The following FOXP1 variants were observed in gnomAD, a reference collection of about 807,000 sequenced individuals.
The protein encoded by FOXP1 is forkhead box protein P1.
FOXP1 carries 15 observed loss-of-function variants against 98.2 expected under a neutral mutation model. That is an observed-to-expected ratio of 0.15 (90% CI 0.10 to 0.24). The LOEUF is 0.24. Ranked by LOEUF, FOXP1 falls within the 10% of genes least tolerant of loss-of-function variation. FOXP1 has a pLI of 1.00. For missense variants in FOXP1, 633 were observed against 848.5 expected (o/e 0.75, Z 3.15); for synonymous variants, 371 against 314.5 (o/e 1.18, Z -1.90).
chr3:71,460,950 GCT>G (rs2088032764), intron 3 of FOXP1, among the ~76,000 whole-genome samples: 2 of 152,140 alleles, frequency 1.3e-5, no homozygotes. Flanking sequence ...GTCGGGAATA[GCT>G]CTGACAAGCT....
Position 71,272,013 on chromosome 3 carries a change from G to C in FOXP1, c.-12+27807C>G, listed in dbSNP as rs192602682. 8.5e-5 allele frequency among the ~76,000 whole-genome samples: 13 copies of C among 152,200 alleles called. No individual in the cohort carries two copies. The East Asian group carries it at 2.5e-3, about 29-fold the overall frequency. ...CAAAAAAGCTTAAGAGTCTCACTGG[G>C]GACATAATCAATTATAAAGCACCTA... On this transcript the variant is annotated intron_variant, in intron 5 of 20. Transcript: ENST00000649528.
chr3:71,353,174 G>A (rs934899794), intron 4 of FOXP1, among the ~76,000 whole-genome samples: 2 of 152,164 alleles, frequency 1.3e-5, no homozygotes, highest in Admixed American at 1.3e-4. Context: ...ATTGGACTCA[G>A]ACGATGCAGC....
At chr3:71,523,481 T>C (rs762553422) in intron 2 of FOXP1, among the ~76,000 whole-genome samples, 18 of 152,208 alleles carry the variant, frequency 1.2e-4, no homozygotes, top group Non-Finnish European at 1.6e-4. Flanking sequence ...ATTTCAGACT[T>C]AGATAAAGAA....
chr3:71,097,228 T>C (rs1487771044), intron 7 of FOXP1, among the ~76,000 whole-genome samples: 1 of 152,190 alleles, frequency 6.6e-6, no homozygotes, highest in Non-Finnish European at 1.5e-5. Context: ...TATTCTTAAA[T>C]AGCAGGGAAA....
At chr3:71,457,663 T>C (rs190411312) in intron 3 of FOXP1, among the ~76,000 whole-genome samples, 45 of 152,330 alleles carry the variant, frequency 3.0e-4, no homozygotes, top group Non-Finnish European at 5.1e-4. Context: ...TGTCTCACAC[T>C]GCAGCAACTG....
At chr3:71,048,144 AAAAAG>A (rs2049297730) in intron 9 of FOXP1, among the ~76,000 whole-genome samples, 1 of 152,182 alleles carries the variant, frequency 6.6e-6, no homozygotes, top group Non-Finnish European at 1.5e-5. Flanking sequence ...GTAGCAAAAA[AAAAAG>A]AAAAGTTTCT....
At position 71,332,764 on chromosome 3, in the gene FOXP1, A is replaced by C. The variant is rs948321647; in HGVS notation, c.-73+26386T>G. ...AAAAAGTAAAAAATAAAATCAAGTG[A>C]CCAGTGTCACTTTGAACACTGTAAT... On this transcript the variant is annotated intron_variant, in intron 4 of 20. Transcript: ENST00000649528. 3.3e-5 allele frequency: 5 copies of C among 152,382 alleles called. No homozygotes were observed. In the East Asian group the frequency reaches 7.7e-4, roughly 24 times the overall value. 9.4% of individuals were successfully genotyped at this position (152,382 alleles called of 1,614,324 possible). A position where few individuals can be genotyped will look rare whatever the true frequency, so the allele number is the denominator to read the frequency against.
intron 11 of FOXP1, among the ~76,000 whole-genome samples, chr3:71,031,215 T>C (rs2106661434): frequency 6.6e-6 from 1 of 152,266 alleles, no homozygotes; most frequent in East Asian, 1.9e-4. Flanking sequence ...TTCAAAGACA[T>C]ATCTCAAAGT....
chr3:71,583,914 CT>C (rs1271704624), upstream of FOXP1: 17 of 984,698 alleles, frequency 1.7e-5, no homozygotes, highest in African/African-American at 2.8e-4. Context: ...ACGCACCCCG[CT>C]GGGCACTCCA....
rs2055016467 is a variant in FOXP1 at position 71,085,773 on chromosome 3, A to C, written c.282+26763T>G. Among the ~76,000 whole-genome samples, 4 of 26,170 alleles carry C rather than the reference A, an allele frequency of 1.5e-4. No individual in the cohort carries two copies. In the Admixed American group the frequency reaches 2.6e-3, roughly 17 times the overall value. 17.2% of individuals were successfully genotyped at this position (26,170 alleles called of 152,430 possible). On this transcript the variant is annotated intron_variant, in intron 7 of 20. Coordinates refer to ENST00000649528, the MANE Select transcript of FOXP1 (RefSeq NM_001349338.3). ...TTACATGGAGTCTCACTGTGTTGCC[A>C]GACTGGAGTGCAGTGGTGTGATCTT...
At chr3:70,967,267 T>C (rs1293646835) in intron 19 of FOXP1, among the ~76,000 whole-genome samples, 3 of 152,220 alleles carry the variant, frequency 2.0e-5, no homozygotes, top group Non-Finnish European at 4.4e-5. Flanking sequence ...TGCAGAAATC[T>C]GTCTGGCTAG....
At chr3:71,563,550 G>C (rs1046862658) in intron 2 of FOXP1, among the ~76,000 whole-genome samples, 3 of 152,230 alleles carry the variant, frequency 2.0e-5, no homozygotes, top group African/African-American at 7.2e-5. Context: ...CCACCGGGCT[G>C]TGAGAATATT....
At chr3:71,122,346 G>A (rs2058839512) in intron 6 of FOXP1, among the ~76,000 whole-genome samples, 4 of 152,136 alleles carry the variant, frequency 2.6e-5, no homozygotes, top group Admixed American at 2.6e-4. Context: ...GAAAGAAACA[G>A]AAATGGGAAT....
chr3:71,341,475 T>G (rs546209697), intron 4 of FOXP1, among the ~76,000 whole-genome samples: 2 of 152,262 alleles, frequency 1.3e-5, no homozygotes, highest in Admixed American at 1.3e-4. Flanking sequence ...ATACCTATAT[T>G]TAAAAAGAAG....
chr3:71,240,242 G>A (rs796994691), intron 5 of FOXP1, among the ~76,000 whole-genome samples: 19 of 152,350 alleles, frequency 1.2e-4, no homozygotes, highest in African/African-American at 4.1e-4. Context: ...CACTGGCTTC[G>A]GCGAGAGCCA....
At chr3:71,281,241 TA>T (rs34268092) in intron 5 of FOXP1, among the ~76,000 whole-genome samples, 39,537 of 128,508 alleles carry the variant, frequency 0.31, 5,303 homozygotes, top group African/African-American at 0.33. Flanking sequence ...ATAAAAATTT[TA>T]AAAAAAAAAA....
intron 4 of FOXP1, among the ~76,000 whole-genome samples, chr3:71,345,407 C>T (rs749311484): frequency 0.4 from 54,077 of 134,286 alleles, 11,516 homozygotes; most frequent in East Asian, 0.58. Context: ...TACACACACA[C>T]ACACACACAC....
At chr3:71,456,827 AT>A (rs1477958804) in intron 3 of FOXP1, among the ~76,000 whole-genome samples, 4 of 150,504 alleles carry the variant, frequency 2.7e-5, no homozygotes, top group Non-Finnish European at 5.9e-5. Flanking sequence ...TTTTTCTGTG[AT>A]ATATCTATGT....
At chr3:71,502,054 G>T (rs1283272093) in intron 2 of FOXP1, among the ~76,000 whole-genome samples, 1 of 152,202 alleles carries the variant, frequency 6.6e-6, no homozygotes, top group Admixed American at 6.5e-5. Context: ...GCCAGGAAGA[G>T]TCCCCCAGAA....
Sources: gnomAD v4.1 joint callset for allele counts (sites outside exome capture counted in the v4.1 genomes callset) on GRCh38, gnomAD v4.1.1 for gene constraint, MANE v1.5 for transcripts, NCBI Gene and HGNC (gene_info 2026-07-23, HGNC 2026-07-21) for gene names.